Variants in KIAA1549L observed in about 807,000 individuals in gnomAD.
The protein encoded by KIAA1549L is UPF0606 protein KIAA1549L.
KIAA1549L carries 88 observed loss-of-function variants against 160.7 expected under a neutral mutation model. The observed-to-expected ratio is 0.55, with a 90% CI of 0.46 to 0.65. KIAA1549L has a LOEUF of 0.65. Ranked by LOEUF, KIAA1549L falls within the 30% of genes least tolerant of loss-of-function variation. KIAA1549L has a pLI of 0.00. For missense variants in KIAA1549L, 2,258 were observed against 2,437.5 expected (o/e 0.93, Z 1.55); for synonymous variants, 950 against 976.7 (o/e 0.97, Z 0.51).
At chr11:33,476,209 T>C (rs1485194077) in intron 1 of KIAA1549L, among the ~76,000 whole-genome samples, 1 of 152,204 alleles carries the variant, frequency 6.6e-6, no homozygotes, top group Non-Finnish European at 1.5e-5. Context: ...GTTTACTCTG[T>C]AATCAGGGAC....
At chr11:33,644,110 T>C (rs956509750) in intron 16 of KIAA1549L, among the ~76,000 whole-genome samples, 2 of 152,230 alleles carry the variant, frequency 1.3e-5, no homozygotes, top group Non-Finnish European at 2.9e-5. Context: ...CTTATTAGTA[T>C]AAAAATATTA....
intron 1 of KIAA1549L, among the ~76,000 whole-genome samples, chr11:33,540,153 T>TTGTG (rs745637037): frequency 1.7e-4 from 26 of 151,884 alleles, no homozygotes; most frequent in Non-Finnish European, 3.4e-4. Flanking sequence ...TGCAGAATTT[T>TTGTG]TGTGTGTGTG....
intron 1 of KIAA1549L, among the ~76,000 whole-genome samples, chr11:33,466,191 A>C (rs1852054337): frequency 6.6e-6 from 1 of 152,248 alleles, no homozygotes; most frequent in Non-Finnish European, 1.5e-5. Flanking sequence ...GGCAACCTAC[A>C]GAATGGGAGA....
At chr11:33,604,906 C>T (rs571077246) in intron 13 of KIAA1549L, among the ~76,000 whole-genome samples, 3 of 152,060 alleles carry the variant, frequency 2.0e-5, no homozygotes, top group African/African-American at 4.8e-5. Flanking sequence ...CTATAGAATT[C>T]GTCTGTGTAA....
chr11:33,641,579 TA>T (rs1851582435), intron 16 of KIAA1549L, among the ~76,000 whole-genome samples: 1 of 1,310 alleles, frequency 7.6e-4, no homozygotes, highest in Non-Finnish European at 1.3e-3. Flanking sequence ...TCTGTATATA[TA>T]TATATATATA....
At chr11:33,495,386 T>G (rs1243715539) in intron 1 of KIAA1549L, among the ~76,000 whole-genome samples, 1 of 151,840 alleles carries the variant, frequency 6.6e-6, no homozygotes, top group Non-Finnish European at 1.5e-5. Context: ...GTTTGGTTTT[T>G]TGTTCTTGCA....
intron 1 of KIAA1549L, among the ~76,000 whole-genome samples, chr11:33,478,160 G>C (rs1333154812): frequency 6.6e-6 from 1 of 152,198 alleles, no homozygotes; most frequent in Non-Finnish European, 1.5e-5. Flanking sequence ...TGTCTTCTGT[G>C]GTATGCAGAT....
intron 20 of KIAA1549L, among the ~76,000 whole-genome samples, chr11:33,664,317 A>G (rs1320690189): frequency 1.4e-5 from 2 of 146,520 alleles, no homozygotes; most frequent in Admixed American, 1.4e-4. Flanking sequence ...CCAAATATAG[A>G]CTCCCCCTCT....
At chr11:33,514,490 TC>T (rs1397159283) in intron 1 of KIAA1549L, among the ~76,000 whole-genome samples, 3 of 152,182 alleles carry the variant, frequency 2.0e-5, no homozygotes, top group Non-Finnish European at 2.9e-5. Context: ...GAAAATCAGT[TC>T]CTACAAAAGT....
intron 10 of KIAA1549L, among the ~76,000 whole-genome samples, chr11:33,577,331 A>G (rs1052405381): frequency 1.3e-5 from 2 of 152,194 alleles, no homozygotes; most frequent in Non-Finnish European, 2.9e-5. Flanking sequence ...GAGGGGCTGT[A>G]TGGCATTCCA....
At chr11:33,574,953 T>A in intron 10 of KIAA1549L, 80 bp downstream of exon 10, 1 of 1,213,934 alleles carries the variant, frequency 8.2e-7, no homozygotes, top group Non-Finnish European at 1.2e-6. Flanking sequence ...CCCAAAATCA[T>A]GTTAATGGTC....
chr11:33,395,391 G>A (rs1850353187), intron 1 of KIAA1549L, among the ~76,000 whole-genome samples: 3 of 152,254 alleles, frequency 2.0e-5, no homozygotes, highest in South Asian at 4.1e-4. Flanking sequence ...ACAGCCATAA[G>A]GTAAATGTGA....
chr11:33,407,511 G>A (rs935507001), intron 1 of KIAA1549L, among the ~76,000 whole-genome samples: 3 of 152,044 alleles, frequency 2.0e-5, no homozygotes, highest in Admixed American at 2.0e-4. Flanking sequence ...ACCGTGCCTT[G>A]CTAATTTTTG....
intron 1 of KIAA1549L, among the ~76,000 whole-genome samples, chr11:33,495,079 C>T (rs1482681890): frequency 6.6e-6 from 1 of 151,524 alleles, no homozygotes; most frequent in Non-Finnish European, 1.5e-5. Flanking sequence ...ATGGCATTTG[C>T]TACTTTATTA....
chr11:33,636,938 A>G (rs111606454), intron 16 of KIAA1549L, among the ~76,000 whole-genome samples: 378 of 152,290 alleles, frequency 2.5e-3, no homozygotes, highest in African/African-American at 8.9e-3. Flanking sequence ...ATGGAGGAAC[A>G]TAACTCAAGG....
chr11:33,435,561 G>C (rs1292596330), intron 1 of KIAA1549L, among the ~76,000 whole-genome samples: 1 of 151,102 alleles, frequency 6.6e-6, no homozygotes, highest in Non-Finnish European at 1.5e-5. Context: ...AAAACATTTT[G>C]CTCCTACATA....
chr11:33,614,769 C>T lies in KIAA1549L; in HGVS notation c.5280-3764C>T, dbSNP rs573872671. 4.1e-3 allele frequency among the ~76,000 whole-genome samples: 609 copies of T among 148,526 alleles called. 7 individuals carry two copies. Among genetic ancestry groups the T allele is most frequent in the African/African-American group, 0.014 (561 of 40,538 alleles). On this transcript the variant is annotated intron_variant, in intron 15 of 20. Transcript: ENST00000658780. ...CTGGGATTACAGGCACGCGCCACCACGCCCAGCTAATTTTTGTATTTTTAA... is the reference window on the plus strand; with the variant it reads ...CTGGGATTACAGGCACGCGCCACCATGCCCAGCTAATTTTTGTATTTTTAA...
rs1406440515 is a variant in KIAA1549L, at chr11:33,376,517, C to G, written c.-135C>G. ...GGCGCGGCAGGACGAGCGAGCCAGT[C>G]GCGCCGCTCGGCGCCCCCTCCCTCC... On this transcript the variant is annotated 5_prime_UTR_variant, in exon 1 of 21. Coordinates refer to ENST00000658780, the MANE Select transcript of KIAA1549L (RefSeq NM_012194.3). This position sits in a 1 kb window ranked among gnomAD's most constrained non-coding sequence, Gnocchi z 5.8. 2 of 148,384 alleles carry G rather than the reference C, an allele frequency of 1.3e-5. No individual in the cohort carries two copies. Among genetic ancestry groups the G allele is most frequent in the African/African-American group, 2.4e-5 (1 of 40,964 alleles). 9.2% of individuals were successfully genotyped at this position (148,384 alleles called of 1,614,324 possible). A position where few individuals can be genotyped will look rare whatever the true frequency, so the allele number is the denominator to read the frequency against.
chr11:33,621,858 C>T (rs1041912639), intron 16 of KIAA1549L, among the ~76,000 whole-genome samples: 2 of 152,100 alleles, frequency 1.3e-5, no homozygotes, highest in African/African-American at 4.8e-5. Context: ...TTTAAAAATC[C>T]GTGGCAGGAA....
Sources: gnomAD v4.1 joint callset for allele counts (sites outside exome capture counted in the v4.1 genomes callset) on GRCh38, gnomAD v4.1.1 for gene constraint, Gnocchi (gnomAD v3.1) non-coding constraint, MANE v1.5 for transcripts, NCBI Gene and HGNC (gene_info 2026-07-23, HGNC 2026-07-21) for gene names.